The following CDH12 variants were observed in gnomAD, a reference collection of about 807,000 sequenced individuals.
CDH12 encodes cadherin-12.
CDH12 carries 41 observed loss-of-function variants against 74.1 expected under a neutral mutation model. The ratio of observed to expected loss-of-function variants is 0.55; its 90% CI spans 0.43 to 0.72. The LOEUF is 0.72. CDH12 is among the 30% of genes least tolerant of loss of function. The probability of loss-of-function intolerance (pLI) is 0.00; values close to 1 mark genes in which losing one functional copy is unlikely to be tolerated. For missense variants in CDH12, 945 were observed against 977.2 expected, an observed-to-expected ratio of 0.97 and a Z score of 0.44; for synonymous variants, 399 against 355.0, an observed-to-expected ratio of 1.12 and a Z score of -1.39.
rs564893884 is a variant in CDH12, at chr5:22,341,110, C to A, written c.-333+64147G>T. 1.6e-4 allele frequency among the ~76,000 whole-genome samples: 24 copies of A among 152,270 alleles called. No individual in the cohort carries two copies. The South Asian group carries it at 2.3e-3, about 14-fold the overall frequency. On this transcript the variant is annotated intron_variant, in intron 3 of 14. Transcript: ENST00000382254. Reference sequence around the variant, plus strand: ...TTTAGAGACTCAGCTAATGTAAATTCTCCTATTTTAAGAACTGCTTAATTT... The same window carrying A: ...TTTAGAGACTCAGCTAATGTAAATTATCCTATTTTAAGAACTGCTTAATTT...
At chr5:22,240,828 C>T (rs1254495836) in intron 3 of CDH12, among the ~76,000 whole-genome samples, 2 of 152,194 alleles carry the variant, frequency 1.3e-5, no homozygotes, top group Admixed American at 1.3e-4. Flanking sequence ...GCCACCGCCG[C>T]ACCTGGCCGG....
intron 1 of CDH12, among the ~76,000 whole-genome samples, chr5:22,669,486 A>G (rs1041907761): frequency 6.6e-6 from 1 of 152,190 alleles, no homozygotes; most frequent in Non-Finnish European, 1.5e-5. Context: ...GCGTGGTAAC[A>G]TATGCAACCA....
At chr5:22,367,048 T>C (rs1741065840) in intron 3 of CDH12, among the ~76,000 whole-genome samples, 1 of 152,234 alleles carries the variant, frequency 6.6e-6, no homozygotes, top group Admixed American at 6.5e-5. Context: ...GTGCAAAAAA[T>C]ATGTTAAATA....
chr5:22,355,345 C>T (rs987573931), intron 3 of CDH12, among the ~76,000 whole-genome samples: 2 of 151,720 alleles, frequency 1.3e-5, no homozygotes, highest in Non-Finnish European at 2.9e-5. Flanking sequence ...TTTTCATGAA[C>T]CAAAATTGTC....
intron 6 of CDH12, among the ~76,000 whole-genome samples, chr5:21,880,713 C>T (rs1023327221): frequency 6.3e-5 from 9 of 143,230 alleles, no homozygotes; most frequent in African/African-American, 2.3e-4. Flanking sequence ...TCCTTCCTTC[C>T]TTTCTTTTCT....
intron 6 of CDH12, among the ~76,000 whole-genome samples, chr5:21,857,087 C>T (rs889250420): frequency 5.9e-5 from 9 of 151,794 alleles, no homozygotes; most frequent in East Asian, 1.9e-4. Context: ...TAAGAAGTCT[C>T]GGTCAATTGC....
rs570191874 is a variant in CDH12, at chr5:22,670,646, A to C, written c.-522-165282T>G. On this transcript the variant is annotated intron_variant, in intron 1 of 14. Coordinates refer to ENST00000382254, the MANE Select transcript of CDH12 (RefSeq NM_004061.5). Reference sequence around the variant, plus strand: ...GCTTTACTGGCTATTTCTATAATAAATATTACTAAGGCAGAGTTCATAAGT... The same window carrying C: ...GCTTTACTGGCTATTTCTATAATAACTATTACTAAGGCAGAGTTCATAAGT... Among the ~76,000 whole-genome samples, 3 of 152,226 alleles carry C rather than the reference A, an allele frequency of 2.0e-5. No individual in the cohort carries two copies. In the South Asian group the frequency reaches 6.2e-4, roughly 32 times the overall value.
chr5:22,752,935 A>G (rs1745671063), intron 1 of CDH12, among the ~76,000 whole-genome samples: 1 of 152,022 alleles, frequency 6.6e-6, no homozygotes, highest in Non-Finnish European at 1.5e-5. Flanking sequence ...AGTAATAAAC[A>G]AACAGCTAAA....
chr5:22,502,524 ATTAT>A (rs910148362), intron 2 of CDH12, among the ~76,000 whole-genome samples: 6 of 152,144 alleles, frequency 3.9e-5, no homozygotes, highest in African/African-American at 1.4e-4. Context: ...TTTTTGAATA[ATTAT>A]TTAATTTCCT....
intron 1 of CDH12, among the ~76,000 whole-genome samples, chr5:22,828,781 G>A (rs993693015): frequency 3.3e-5 from 5 of 152,140 alleles, no homozygotes; most frequent in Non-Finnish European, 7.4e-5. Flanking sequence ...AGAGCAATAT[G>A]ACAGGAATGA....
intron 5 of CDH12, among the ~76,000 whole-genome samples, chr5:22,038,384 C>T (rs541302132): frequency 1.3e-5 from 2 of 152,278 alleles, no homozygotes; most frequent in South Asian, 4.1e-4. Context: ...TGCTCATTGC[C>T]TCCTGGGGAA....
chr5:21,954,855 T>G (rs542378939), intron 6 of CDH12, among the ~76,000 whole-genome samples: 3 of 152,172 alleles, frequency 2.0e-5, no homozygotes, highest in African/African-American at 7.2e-5. Context: ...ATTGTGAAAA[T>G]AGAATTTATC....
At chr5:22,612,321 T>C (rs959901167) in intron 1 of CDH12, among the ~76,000 whole-genome samples, 11 of 152,158 alleles carry the variant, frequency 7.2e-5, no homozygotes, top group African/African-American at 2.7e-4. Flanking sequence ...TGTGTATACA[T>C]ATCTGGGGAA....
At chr5:22,788,920 G>T (rs1747776636) in intron 1 of CDH12, among the ~76,000 whole-genome samples, 1 of 151,700 alleles carries the variant, frequency 6.6e-6, no homozygotes, top group Admixed American at 6.6e-5. Context: ...TTCGTATGTG[G>T]ATTTGAACAC....
intron 1 of CDH12, among the ~76,000 whole-genome samples, chr5:22,656,492 G>A (rs1474273655): frequency 6.6e-6 from 1 of 152,182 alleles, no homozygotes; most frequent in African/African-American, 2.4e-5. Context: ...CATAGACATA[G>A]TGGAGATACA....
In CDH12 at chr5:22,759,198, G is replaced by GA. The variant is rs983993247; in HGVS notation, c.-523+93859dup. On this transcript the variant is annotated intron_variant, in intron 1 of 14. Coordinates refer to ENST00000382254, the MANE Select transcript of CDH12 (RefSeq NM_004061.5). Reference sequence around the variant, plus strand: ...CCATCTAGACTGCTACGCAGTCTCAGAAAAAAAAAACAAAAAAAAACTTAG... The same window carrying GA: ...CCATCTAGACTGCTACGCAGTCTCAGAAAAAAAAAAACAAAAAAAAACTTAG... 7.9e-3 allele frequency among the ~76,000 whole-genome samples: 1,098 copies of GA among 138,966 alleles called. 11 individuals are homozygous for GA. Among genetic ancestry groups the GA allele is most frequent in the South Asian group, 0.015 (67 of 4,432 alleles). 91.2% of individuals were successfully genotyped at this position (138,966 alleles called of 152,430 possible).
intron 1 of CDH12, among the ~76,000 whole-genome samples, chr5:22,805,937 C>A (rs1467477894): frequency 6.6e-6 from 1 of 152,056 alleles, no homozygotes; most frequent in Non-Finnish European, 1.5e-5. Context: ...TGTTAGTTTG[C>A]TGAGAATGAT....
At chr5:21,848,213 T>C (rs991961574) in intron 7 of CDH12, among the ~76,000 whole-genome samples, 2 of 152,098 alleles carry the variant, frequency 1.3e-5, no homozygotes, top group Non-Finnish European at 2.9e-5. Flanking sequence ...GAAAATGTTT[T>C]TGATTAGACC....
intron 6 of CDH12, among the ~76,000 whole-genome samples, chr5:21,960,487 C>T (rs963380930): frequency 3.3e-5 from 5 of 152,064 alleles, no homozygotes; most frequent in South Asian, 2.1e-4. Context: ...CTCAATTGAG[C>T]GTGGGACAGG....
Sources: gnomAD v4.1 joint callset for allele counts (sites outside exome capture counted in the v4.1 genomes callset) on GRCh38, gnomAD v4.1.1 for gene constraint, MANE v1.5 for transcripts, NCBI Gene and HGNC (gene_info 2026-07-23, HGNC 2026-07-21) for gene names.